NSFL1C: variants seen among roughly 807,000 people sequenced by gnomAD.
The protein encoded by NSFL1C is NSFL1 cofactor.
Under a neutral mutation model 43.1 loss-of-function variants are expected in NSFL1C, and 14 were observed. The observed-to-expected ratio is 0.32, with a 90% CI of 0.21 to 0.51. The LOEUF (loss-of-function observed/expected upper bound fraction) is 0.51. Among genes scored for constraint, NSFL1C ranks in the 20% least tolerant of loss-of-function variants. The pLI, the probability that NSFL1C is intolerant of heterozygous loss-of-function variation, is 0.98. For synonymous variants in NSFL1C, 171 were observed against 183.5 expected, an observed-to-expected ratio of 0.93 and a Z score of 0.55; for missense variants, 406 against 472.5, an observed-to-expected ratio of 0.86 and a Z score of 1.30.
rs1317001163 is a variant in NSFL1C, at chr20:1,445,916, T to C, written c.786-86A>G. ...TCCCTTCTTGGACTGTTACTGAGCA[T>C]TTGCAATGCGCCTGGCATTGTTTGG... On this transcript the variant is annotated intron_variant, in intron 7 of 8. Coordinates refer to ENST00000216879, the MANE Select transcript of NSFL1C (RefSeq NM_016143.5). 3.6e-6 allele frequency: 5 copies of C among 1,389,304 alleles called. No individual in the cohort carries two copies. The Admixed American group carries it at 9.7e-5, about 27-fold the overall frequency. 86.1% of individuals were successfully genotyped at this position (1,389,304 alleles called of 1,614,324 possible). A position where few individuals can be genotyped will look rare whatever the true frequency, so the allele number is the denominator to read the frequency against.
chr20:1,460,957 T>C (rs975814689), intron 2 of NSFL1C, among the ~76,000 whole-genome samples: 2 of 152,150 alleles, frequency 1.3e-5, no homozygotes, highest in Non-Finnish European at 2.9e-5. Flanking sequence ...GGAGGTAGCA[T>C]GTGGCAGCAG....
intron 8 of NSFL1C, among the ~76,000 whole-genome samples, chr20:1,444,932 C>T (rs1227564670): frequency 1.3e-5 from 2 of 152,216 alleles, no homozygotes; most frequent in Non-Finnish European, 2.9e-5. Flanking sequence ...CACCCACAGG[C>T]GAGCCCAGTC....
intron 3 of NSFL1C, 50 bp downstream of exon 3, chr20:1,458,150 C>T: frequency 7.0e-7 from 1 of 1,420,102 alleles, no homozygotes. Context: ...TTACACATTA[C>T]CCTGGACTTC....
At chr20:1,445,955 T>C (rs2090050746) in intron 7 of NSFL1C, 125 bp from the exon 8 acceptor site, 3 of 1,055,252 alleles carry the variant, frequency 2.8e-6, no homozygotes, top group Non-Finnish European at 4.2e-6. Context: ...TGCTGATCTA[T>C]TGACCCAGAC....
intron 2 of NSFL1C, among the ~76,000 whole-genome samples, chr20:1,460,659 G>A (rs1338978541): frequency 6.6e-6 from 1 of 152,160 alleles, no homozygotes; most frequent in Non-Finnish European, 1.5e-5. Flanking sequence ...GCCTCTCTGT[G>A]ATGATGGAAA....
chr20:1,455,257 T>C, intron 3 of NSFL1C, 125 bp from the exon 4 acceptor site: 2 of 1,125,898 alleles, frequency 1.8e-6, no homozygotes, highest in Non-Finnish European at 2.7e-6. Context: ...ATTTACTGGC[T>C]AGTTGGGAAC....
At chr20:1,458,446 T>C (rs144057586) in intron 2 of NSFL1C, among the ~76,000 whole-genome samples, 172 bp from the exon 3 acceptor site, 1,701 of 152,304 alleles carry the variant, frequency 0.011, 36 homozygotes, top group African/African-American at 0.039. Flanking sequence ...TAATGTGGCA[T>C]TTATTTTTTC....
intron 7 of NSFL1C, among the ~76,000 whole-genome samples, chr20:1,449,327 C>G (rs1488420515): frequency 6.6e-6 from 1 of 152,184 alleles, no homozygotes; most frequent in African/African-American, 2.4e-5. Flanking sequence ...CTATCAGCTG[C>G]CATGGGCTGT....
chr20:1,449,883 C>A (rs949850432), intron 7 of NSFL1C, among the ~76,000 whole-genome samples: 42 of 152,252 alleles, frequency 2.8e-4, no homozygotes, highest in African/African-American at 9.4e-4. Flanking sequence ...GCAGCAGTGA[C>A]CCCTCCTCCC....
At chr20:1,462,560 C>G (rs1414975792) in intron 2 of NSFL1C, among the ~76,000 whole-genome samples, 1 of 150,638 alleles carries the variant, frequency 6.6e-6, no homozygotes, top group African/African-American at 2.5e-5. Context: ...CTTGCTCTGT[C>G]GCCCAGGCTG....
intron 3 of NSFL1C, chr20:1,455,937 T>C: frequency 3.3e-6 from 2 of 601,520 alleles, no homozygotes; most frequent in Non-Finnish European, 3.0e-6. Context: ...ACACCCACAC[T>C]GGGCTTTGCA....
chr20:1,449,942 C>G (rs1244946745), intron 7 of NSFL1C, among the ~76,000 whole-genome samples: 1 of 152,204 alleles, frequency 6.6e-6, no homozygotes, highest in South Asian at 2.1e-4. Flanking sequence ...CAGCTCCCAA[C>G]TCAAACAAAC....
intron 4 of NSFL1C, 46 bp downstream of exon 4, chr20:1,454,918 GTTC>G: frequency 6.3e-7 from 1 of 1,580,344 alleles, no homozygotes; most frequent in Non-Finnish European, 8.6e-7. Flanking sequence ...GGCATTCCCA[GTTC>G]TGGAATCTCA....
chr20:1,462,578 G>A (rs987650894), intron 2 of NSFL1C, among the ~76,000 whole-genome samples: 1 of 151,214 alleles, frequency 6.6e-6, no homozygotes, highest in Non-Finnish European at 1.5e-5. Flanking sequence ...CTGGAGTGCA[G>A]TGGCGCAATC....
At chr20:1,466,689 C>T in intron 1 of NSFL1C, 31 bp downstream of exon 1, 2 of 1,527,530 alleles carry the variant, frequency 1.3e-6, no homozygotes, top group African/African-American at 2.8e-5. Context: ...AGTCCCCGGC[C>T]CACCCGACAC....
At position 1,452,476 on chromosome 20, in the gene NSFL1C, C is replaced by T. The variant is rs746972760; in HGVS notation, c.785+17G>A. ...TGTGATTGACAGAGTCTGGCTCTAA[C>T]CTGTGCTGCCCCTTACCTGCCCAGT... On this transcript the variant is annotated intron_variant, in intron 7 of 8. Coordinates refer to ENST00000216879, the MANE Select transcript of NSFL1C (RefSeq NM_016143.5). 3 of 1,613,346 alleles carry T rather than the reference C, an allele frequency of 1.9e-6. No individual in the cohort carries two copies. The African/African-American group carries it at 4.0e-5, about 22-fold the overall frequency.
intron 1 of NSFL1C, among the ~76,000 whole-genome samples, chr20:1,464,975 C>T (rs1358562822): frequency 6.6e-6 from 1 of 152,160 alleles, no homozygotes; most frequent in Non-Finnish European, 1.5e-5. Flanking sequence ...TGGAGTCAGT[C>T]CAGGTTGCTA....
At chr20:1,457,944 A>G in intron 3 of NSFL1C, 1 of 381,388 alleles carries the variant, frequency 2.6e-6, no homozygotes, top group Non-Finnish European at 4.8e-6. Context: ...AATACCAAAA[A>G]GTGGGACTGC....
In NSFL1C at chr20:1,445,657, G is replaced by A. The variant is rs1599934369; in HGVS notation, c.950+9C>T. ...CCTAGAATAAGCTAGGCCACACAATGCAAGGTACCTGTGGCTGTGGTTAAA... is the reference window on the plus strand; with the variant it reads ...CCTAGAATAAGCTAGGCCACACAATACAAGGTACCTGTGGCTGTGGTTAAA... On this transcript the variant is annotated intron_variant, in intron 8 of 8. Transcript: ENST00000216879. The A allele has an allele frequency of 6.2e-7, 1 of 1,611,988 alleles. No individual in the cohort carries two copies. The highest frequency in any genetic ancestry group is 2.2e-5 in the East Asian group (1 of 44,882).
Sources: gnomAD v4.1 joint callset for allele counts (sites outside exome capture counted in the v4.1 genomes callset) on GRCh38, gnomAD v4.1.1 for gene constraint, MANE v1.5 for transcripts, NCBI Gene and HGNC (gene_info 2026-07-23, HGNC 2026-07-21) for gene names.